CCSER1: variants seen among roughly 807,000 people sequenced by gnomAD.
The protein encoded by CCSER1 is serine-rich coiled-coil domain-containing protein 1.
CCSER1 carries 41 observed loss-of-function variants against 82.0 expected under a neutral mutation model. The ratio of observed to expected loss-of-function variants is 0.50; its 90% CI spans 0.39 to 0.65. The LOEUF is 0.65. Among genes scored for constraint, CCSER1 ranks in the 30% least tolerant of loss-of-function variants. The probability of loss-of-function intolerance (pLI) is 0.00; values close to 1 mark genes in which losing one functional copy is unlikely to be tolerated. For missense variants in CCSER1, 1,119 were observed against 1,064.2 expected (o/e 1.05, Z -0.72); for synonymous variants, 414 against 383.9 (o/e 1.08, Z -0.92).
At chr4:91,543,191 G>A (rs1481564477) in intron 10 of CCSER1, among the ~76,000 whole-genome samples, 1 of 152,068 alleles carries the variant, frequency 6.6e-6, no homozygotes, top group East Asian at 1.9e-4. Flanking sequence ...GAACCTATGT[G>A]TGTCTCTGCA....
chr4:90,644,149 C>A (rs1317276245), intron 6 of CCSER1, among the ~76,000 whole-genome samples: 1 of 152,164 alleles, frequency 6.6e-6, no homozygotes, highest in Non-Finnish European at 1.5e-5. Context: ...TTATCCAAAA[C>A]ACTTAGGATC....
At chr4:91,082,717 A>G (rs1039065117) in intron 9 of CCSER1, among the ~76,000 whole-genome samples, 7 of 152,108 alleles carry the variant, frequency 4.6e-5, no homozygotes, top group African/African-American at 1.7e-4. Flanking sequence ...TTTACAAGAA[A>G]AAATCAAACA....
intron 1 of CCSER1, among the ~76,000 whole-genome samples, chr4:90,231,728 G>T (rs1174348807): frequency 6.6e-6 from 1 of 152,180 alleles, no homozygotes; most frequent in Non-Finnish European, 1.5e-5. Context: ...AAACTCCATT[G>T]TCTTAGCCCA....
At chr4:90,925,021 C>A (rs1469332370) in intron 9 of CCSER1, among the ~76,000 whole-genome samples, 1 of 152,266 alleles carries the variant, frequency 6.6e-6, no homozygotes. Context: ...GCCACCACCC[C>A]CTGCCTAAAA....
chr4:90,734,569 C>T (rs1409144654), intron 7 of CCSER1, among the ~76,000 whole-genome samples: 1 of 152,186 alleles, frequency 6.6e-6, no homozygotes, highest in African/African-American at 2.4e-5. Context: ...TTGTTTATAG[C>T]TATTGTAAAT....
rs1477446452 is a variant in CCSER1, at chr4:90,425,129, TCTCATTCTTCATA to T, written c.1603+25002_1603+25014del. On this transcript the variant is annotated intron_variant, in intron 4 of 10. Coordinates refer to ENST00000509176, the MANE Select transcript of CCSER1 (RefSeq NM_001145065.2). The stretch of plus-strand genomic sequence containing the variant: ...TTTTTTGTTTTGTTTTGTTTCTTCC[TCTCATTCTTCATA>T]CAGAACTCAGAGCCCCTCTCAGATT... 2.0e-5 allele frequency among the ~76,000 whole-genome samples: 3 copies of T among 152,300 alleles called. No individual in the cohort carries two copies. In the South Asian group the frequency reaches 6.2e-4, roughly 32 times the overall value.
chr4:90,761,935 A>AC (rs1750468224), intron 7 of CCSER1, among the ~76,000 whole-genome samples: 1 of 152,150 alleles, frequency 6.6e-6, no homozygotes, highest in Non-Finnish European at 1.5e-5. Flanking sequence ...AATTAACTTG[A>AC]GAATAATCAA....
At chr4:90,720,939 T>C (rs1742567970) in intron 6 of CCSER1, among the ~76,000 whole-genome samples, 1 of 151,950 alleles carries the variant, frequency 6.6e-6, no homozygotes, top group Admixed American at 6.6e-5. Context: ...TGAAATCGCT[T>C]GTCAATTAAG....
At chr4:91,221,766 C>T (rs1220520785) in intron 10 of CCSER1, among the ~76,000 whole-genome samples, 1 of 151,974 alleles carries the variant, frequency 6.6e-6, no homozygotes, top group Non-Finnish European at 1.5e-5. Flanking sequence ...TGTACACAGT[C>T]CCGGCACTCA....
chr4:90,243,430 G>A (rs1051736491), intron 1 of CCSER1, among the ~76,000 whole-genome samples: 2 of 151,960 alleles, frequency 1.3e-5, no homozygotes, highest in African/African-American at 4.8e-5. Flanking sequence ...TGTATTTTTA[G>A]TAGAGATGGG....
intron 6 of CCSER1, among the ~76,000 whole-genome samples, chr4:90,723,696 G>A (rs866032212): frequency 6.6e-6 from 1 of 151,778 alleles, no homozygotes. Context: ...AAATATACAT[G>A]GAGAGTGATA....
chr4:90,396,520 T>G (rs2153542080), intron 3 of CCSER1, among the ~76,000 whole-genome samples: 1 of 152,348 alleles, frequency 6.6e-6, no homozygotes, highest in African/African-American at 2.4e-5. Flanking sequence ...AACAATTTTC[T>G]ACTCAATTTG....
At chr4:90,880,225 A>G (rs1384357026) in intron 8 of CCSER1, among the ~76,000 whole-genome samples, 6 of 152,126 alleles carry the variant, frequency 3.9e-5, no homozygotes, top group Non-Finnish European at 8.8e-5. Context: ...CGGTGATCTC[A>G]GTCCTTATGT....
chr4:91,145,682 A>G (rs115089642), intron 10 of CCSER1, among the ~76,000 whole-genome samples: 256 of 152,254 alleles, frequency 1.7e-3, no homozygotes, highest in African/African-American at 6.0e-3. Flanking sequence ...CATGCCTGAC[A>G]AATATTTTAT....
chr4:90,337,754 C>T (rs556283101), intron 3 of CCSER1, among the ~76,000 whole-genome samples: 2 of 151,814 alleles, frequency 1.3e-5, no homozygotes. Context: ...AAAAAGTAAG[C>T]TATTTTCAGA....
chr4:91,584,307 G>A (rs994601749), intron 10 of CCSER1, among the ~76,000 whole-genome samples: 4 of 151,296 alleles, frequency 2.6e-5, no homozygotes, highest in Admixed American at 2.0e-4. Flanking sequence ...GAGGCTCTTT[G>A]GACTAGATGT....
At chr4:91,297,393 G>GTA (rs1320549117) in intron 10 of CCSER1, among the ~76,000 whole-genome samples, 63 of 135,440 alleles carry the variant, frequency 4.7e-4, no homozygotes, top group Middle Eastern at 3.9e-3. Context: ...GTATGTGTGT[G>GTA]TGTGTGTGTG....
intron 10 of CCSER1, among the ~76,000 whole-genome samples, chr4:91,245,513 A>G (rs1739702382): frequency 6.6e-6 from 1 of 152,176 alleles, no homozygotes; most frequent in Admixed American, 6.5e-5. Flanking sequence ...TGCTGAAGGA[A>G]AAAACTGTTA....
chr4:90,387,389 A>T (rs1750225315), intron 3 of CCSER1, among the ~76,000 whole-genome samples: 1 of 152,200 alleles, frequency 6.6e-6, no homozygotes, highest in Non-Finnish European at 1.5e-5. Context: ...AACATAGTGT[A>T]TGTGTAACAA....
Sources: allele counts gnomAD v4.1 joint callset (sites outside exome capture counted in the v4.1 genomes callset), GRCh38; gene constraint gnomAD v4.1.1; transcripts MANE v1.5; gene names NCBI Gene and HGNC (gene_info 2026-07-23, HGNC 2026-07-21).